SMURF1: variants seen among roughly 807,000 people sequenced by gnomAD.
SMURF1 encodes SMAD specific E3 ubiquitin protein ligase 1.
A neutral mutation model predicts 98.0 loss-of-function variants in SMURF1; 44 were observed. The ratio of observed to expected loss-of-function variants is 0.45; its 90% CI spans 0.35 to 0.58. SMURF1 has a LOEUF of 0.58. Among genes scored for constraint, SMURF1 ranks in the 20% least tolerant of loss-of-function variants. The pLI, the probability that SMURF1 is intolerant of heterozygous loss-of-function variation, is 0.00. For missense variants in SMURF1, 687 were observed against 938.4 expected, an observed-to-expected ratio of 0.73 and a Z score of 3.50; for synonymous variants, 396 against 374.9, an observed-to-expected ratio of 1.06 and a Z score of -0.65.
At position 99,070,776 on chromosome 7, in the gene SMURF1, A is replaced by G. The variant is rs111940479; in HGVS notation, c.56-8939T>C. ...CCTGGCAGAAATTAGCGCTTGATCAATGTTTGTTGAAATCAATGGATAACT... is the reference window on the plus strand; with the variant it reads ...CCTGGCAGAAATTAGCGCTTGATCAGTGTTTGTTGAAATCAATGGATAACT... On this transcript the variant is annotated intron_variant, in intron 1 of 17. Transcript: ENST00000361368. 2.7e-3 allele frequency among the ~76,000 whole-genome samples: 406 copies of G among 152,122 alleles called. 6 individuals are homozygous for G. The highest frequency in any genetic ancestry group is 9.5e-3 in the African/African-American group (396 of 41,496).
intron 9 of SMURF1, chr7:99,048,538 A>T (rs1203489730): frequency 6.6e-6 from 1 of 152,540 alleles, no homozygotes; most frequent in Admixed American, 6.5e-5. Context: ...CTTGGCAGTT[A>T]GAATGAAATG....
chr7:99,128,790 T>A (rs1797799143), intron 1 of SMURF1, among the ~76,000 whole-genome samples: 1 of 152,194 alleles, frequency 6.6e-6, no homozygotes, highest in Non-Finnish European at 1.5e-5. Context: ...TGCCTTTACC[T>A]CCCAAACAGG....
intron 1 of SMURF1, among the ~76,000 whole-genome samples, chr7:99,080,659 C>G (rs1383168301): frequency 6.6e-6 from 1 of 152,178 alleles, no homozygotes; most frequent in Non-Finnish European, 1.5e-5. Context: ...TAATTCCCAC[C>G]TTATAAAAAC....
At chr7:99,119,738 G>A (rs1007126243) in intron 1 of SMURF1, among the ~76,000 whole-genome samples, 22 of 152,182 alleles carry the variant, frequency 1.4e-4, no homozygotes, top group African/African-American at 5.3e-4. Context: ...TTTGGGCACT[G>A]ACAGGTAAGG....
chr7:99,035,325 C>G (rs1216990543), intron 16 of SMURF1, 190 bp downstream of exon 16: 1 of 737,336 alleles, frequency 1.4e-6, no homozygotes, highest in Non-Finnish European at 2.2e-6. Context: ...CAGCGGGGCC[C>G]CACACCTGCT....
chr7:99,077,097 T>C (rs1389042261), intron 1 of SMURF1, among the ~76,000 whole-genome samples: 3 of 152,098 alleles, frequency 2.0e-5, no homozygotes, highest in African/African-American at 7.2e-5. Context: ...TGGAATGATG[T>C]CAACTAATAC....
At chr7:99,035,917 G>A (rs1198134019) in intron 15 of SMURF1, 2 of 599,820 alleles carry the variant, frequency 3.3e-6, no homozygotes, top group Non-Finnish European at 5.9e-6. Context: ...CCTCCAAACG[G>A]GTCTCCAACC....
At chr7:99,131,796 G>A (rs958636343) in intron 1 of SMURF1, among the ~76,000 whole-genome samples, 4 of 152,170 alleles carry the variant, frequency 2.6e-5, no homozygotes, top group African/African-American at 9.7e-5. Context: ...GAGATAGGAT[G>A]AAGAAAGAAA....
intron 1 of SMURF1, among the ~76,000 whole-genome samples, chr7:99,129,374 C>A (rs1797814882): frequency 6.6e-6 from 1 of 152,080 alleles, no homozygotes; most frequent in South Asian, 2.1e-4. Context: ...TGAAGTGATT[C>A]CAGTTATTTC....
chr7:99,094,088 G>T (rs948147731), intron 1 of SMURF1, among the ~76,000 whole-genome samples: 1 of 152,168 alleles, frequency 6.6e-6, no homozygotes, highest in South Asian at 2.1e-4. Context: ...ATTAAAGTCC[G>T]CTAATTGTTA....
intron 1 of SMURF1, among the ~76,000 whole-genome samples, chr7:99,117,116 C>T (rs1797475414): frequency 6.6e-6 from 1 of 151,704 alleles, no homozygotes; most frequent in South Asian, 2.1e-4. Flanking sequence ...TTTCAACAGT[C>T]TTTTCAACAA....
chr7:99,050,852 TA>T, intron 8 of SMURF1: 1 of 1,119,070 alleles, frequency 8.9e-7, no homozygotes, highest in Non-Finnish European at 1.2e-6. Flanking sequence ...TAAAAGGAAA[TA>T]AAAAGCAAAA....
chr7:99,105,866 C>G (rs192897948), intron 1 of SMURF1, among the ~76,000 whole-genome samples: 2 of 152,346 alleles, frequency 1.3e-5, no homozygotes, highest in East Asian at 3.9e-4. Context: ...GACTATCATT[C>G]CCCTTCTCCC....
intron 1 of SMURF1, among the ~76,000 whole-genome samples, chr7:99,087,321 G>A (rs1284961511): frequency 6.6e-6 from 1 of 152,106 alleles, no homozygotes; most frequent in Admixed American, 6.5e-5. Flanking sequence ...GGAGGTCAAA[G>A]CTTCAATAAG....
intron 1 of SMURF1, among the ~76,000 whole-genome samples, chr7:99,103,393 A>G (rs1044990615): frequency 1.3e-5 from 2 of 152,228 alleles, no homozygotes; most frequent in Non-Finnish European, 2.9e-5. Flanking sequence ...ATTTAAAATG[A>G]ATACCATTTT....
chr7:99,083,201 G>A (rs997050815), intron 1 of SMURF1, among the ~76,000 whole-genome samples: 1 of 152,090 alleles, frequency 6.6e-6, no homozygotes, highest in Non-Finnish European at 1.5e-5. Flanking sequence ...TTAAAATGGT[G>A]ACTTTTATAG....
rs11984221 is a variant in SMURF1 at position 99,059,863 on chromosome 7, G to A, written c.203+736C>T. ...GTGGAGGTCACAGTGAGCCGAGATC[G>A]CGCCACTGCACACTCTAGCCTGGGC... is the stretch of plus-strand genomic sequence containing the variant. On this transcript the variant is annotated intron_variant, in intron 3 of 17. Coordinates refer to ENST00000361368, the MANE Select transcript of SMURF1 (RefSeq NM_181349.3). 4.1e-3 allele frequency among the ~76,000 whole-genome samples: 613 copies of A among 149,902 alleles called. 2 individuals are homozygous for A. Among genetic ancestry groups the A allele is most frequent in the African/African-American group, 0.013 (538 of 40,764 alleles).
At chr7:99,075,833 C>T (rs1796442537) in intron 1 of SMURF1, among the ~76,000 whole-genome samples, 1 of 152,030 alleles carries the variant, frequency 6.6e-6, no homozygotes, top group Non-Finnish European at 1.5e-5. Flanking sequence ...TTTTTTTCCC[C>T]ATCATCGAAT....
At chr7:99,126,087 T>G (rs1325243200) in intron 1 of SMURF1, among the ~76,000 whole-genome samples, 2 of 152,226 alleles carry the variant, frequency 1.3e-5, no homozygotes, top group East Asian at 3.9e-4. Context: ...CTTAACTGTT[T>G]CTAGCGAATG....
Sources: gnomAD v4.1 joint callset for allele counts (sites outside exome capture counted in the v4.1 genomes callset) on GRCh38, gnomAD v4.1.1 for gene constraint, MANE v1.5 for transcripts, NCBI Gene and HGNC (gene_info 2026-07-23, HGNC 2026-07-21) for gene names.